Variants in MMS19 observed in about 807,000 individuals in gnomAD.
The protein encoded by MMS19 is MMS19 nucleotide excision repair protein homolog.
MMS19 carries 77 observed loss-of-function variants against 129.8 expected under a neutral mutation model. The ratio of observed to expected loss-of-function variants is 0.59; its 90% confidence interval spans 0.49 to 0.72. MMS19 has a LOEUF of 0.72. Ranked by LOEUF, MMS19 falls within the 30% of genes least tolerant of loss-of-function variation. The pLI is 0.00. For synonymous variants in MMS19, 491 were observed against 502.8 expected, an observed-to-expected ratio of 0.98 and a Z score of 0.31; for missense variants, 1,168 against 1,266.3, an observed-to-expected ratio of 0.92 and a Z score of 1.18.
intron 2 of MMS19, 39 bp from the exon 3 acceptor site, chr10:97,481,081 A>G (rs29001277): frequency 8.2e-7 from 1 of 1,213,022 alleles, no homozygotes; most frequent in South Asian, 1.3e-5. Context: ...GCAATTACCC[A>G]GTTCAAATGT....
chr10:97,475,859 T>C (rs1451998422), intron 8 of MMS19, among the ~76,000 whole-genome samples: 1 of 152,234 alleles, frequency 6.6e-6, no homozygotes, highest in African/African-American at 2.4e-5. Flanking sequence ...GGTATAGGGT[T>C]AGAATAAGAA....
In MMS19 at chr10:97,486,862, C is replaced by CATATATATATATATATATATATAT. The variant is rs148575472; in HGVS notation, c.113-2735_113-2712dup. 4.8e-3 allele frequency among the ~76,000 whole-genome samples: 408 copies of CATATATATATATATATATATATAT among 84,794 alleles called. 16 individuals carry two copies. Among genetic ancestry groups the CATATATATATATATATATATATAT allele is most frequent in the Non-Finnish European group, 7.2e-3 (274 of 38,296 alleles). The allele number at this position is 84,794 out of a possible 152,430, so 55.6% of individuals were successfully genotyped here. ...TAAGCTTATCCTGAAATTAAAGTGC[C>CATATATATATATATATATATATAT]ATATATATATATATATATATATATA... On this transcript the variant is annotated intron_variant, in intron 1 of 30. Coordinates refer to ENST00000438925, the MANE Select transcript of MMS19 (RefSeq NM_022362.5).
intron 18 of MMS19, 134 bp downstream of exon 18, chr10:97,465,671 G>A: frequency 2.3e-6 from 2 of 851,638 alleles, no homozygotes; most frequent in Non-Finnish European, 3.6e-6. Context: ...TTGGACGCAG[G>A]CATCAGTATT....
chr10:97,459,336 C>T (rs1310942784), intron 28 of MMS19, 26 bp downstream of exon 28: 1 of 1,610,294 alleles, frequency 6.2e-7, no homozygotes, highest in Non-Finnish European at 8.5e-7. Context: ...ATGCTGGTGC[C>T]TAAGAGTTGC....
chr10:97,462,491 A>G (rs1300360694), intron 20 of MMS19, 92 bp downstream of exon 20: 4 of 889,078 alleles, frequency 4.5e-6, no homozygotes, highest in Non-Finnish European at 7.4e-6. Context: ...CATATAGGTA[A>G]AAGGACAGCT....
intron 1 of MMS19, among the ~76,000 whole-genome samples, chr10:97,488,551 T>C (rs1308423094): frequency 6.6e-6 from 1 of 152,228 alleles, no homozygotes; most frequent in Non-Finnish European, 1.5e-5. Flanking sequence ...TAAGAGTATT[T>C]GCATACAAAC....
rs757720091 is a variant in MMS19, at chr10:97,477,361, C to G, written c.479G>C (p.Arg160Pro). 1 of 1,613,902 alleles carries G rather than the reference C, an allele frequency of 6.2e-7. No individual in the cohort carries two copies. Among genetic ancestry groups the G allele is most frequent in the Admixed American group, 1.7e-5 (1 of 60,012 alleles). Reference sequence around the variant, plus strand: ...CTGTCTCTTACCTTCTTCCCGGGTTCGCATAAAATTGGTGATGATATTGTA... The same window carrying G: ...CTGTCTCTTACCTTCTTCCCGGGTTGGCATAAAATTGGTGATGATATTGTA... Reference protein sequence around the residue: ...TVYNIITNFMRTREEELKSLG... With the variant: ...TVYNIITNFMPTREEELKSLG... Residue 160 changes from arginine to proline, a missense_variant, in exon 6 of 31, where the codon CGA becomes CCA. By Grantham distance (103) the Arg-to-Pro change is moderately radical (BLOSUM62 -2). This residue lies in a region of MMS19 where 329 missense variants were observed against 328.6 expected (regional missense o/e 1.00). Coordinates refer to ENST00000438925, the MANE Select transcript of MMS19 (RefSeq NM_022362.5).
At chr10:97,477,252 C>T (rs1005944381) in intron 6 of MMS19, 95 bp downstream of exon 6, 1 of 1,599,470 alleles carries the variant, frequency 6.3e-7, no homozygotes, top group Non-Finnish European at 8.5e-7. Flanking sequence ...GATACCAGCT[C>T]TTCTATATAA....
At chr10:97,492,453 C>T (rs894528165) in intron 1 of MMS19, among the ~76,000 whole-genome samples, 6 of 149,578 alleles carry the variant, frequency 4.0e-5, no homozygotes, top group Non-Finnish European at 8.9e-5. Flanking sequence ...CCCACCTGGG[C>T]GACTGAGTGA....
At chr10:97,467,978 A>T (rs973589624) in intron 13 of MMS19, among the ~76,000 whole-genome samples, 2 of 151,440 alleles carry the variant, frequency 1.3e-5, no homozygotes, top group Non-Finnish European at 2.9e-5. Flanking sequence ...TGGCTAATTT[A>T]AAAAAAATTT....
chr10:97,467,255 A>G (rs1235659524), intron 14 of MMS19, among the ~76,000 whole-genome samples: 1 of 152,218 alleles, frequency 6.6e-6, no homozygotes, highest in Non-Finnish European at 1.5e-5. Context: ...CTGGGATTAT[A>G]GGTGTGAGCC....
intron 18 of MMS19, 42 bp from the exon 19 acceptor site, chr10:97,464,055 C>T (rs767965842): frequency 6.2e-5 from 97 of 1,575,826 alleles, no homozygotes; most frequent in Non-Finnish European, 7.9e-5. Context: ...TGCTTAAAAG[C>T]ACTTTCAGGT....
At chr10:97,460,314 G>A in intron 25 of MMS19, 82 bp from the exon 26 acceptor site, 2 of 1,319,952 alleles carry the variant, frequency 1.5e-6, no homozygotes, top group Non-Finnish European at 1.0e-6. Context: ...GGGTGTGGTG[G>A]CTCATGCCTG....
At chr10:97,480,819 C>T (rs1457095289) in intron 3 of MMS19, 123 bp downstream of exon 3, 1 of 712,986 alleles carries the variant, frequency 1.4e-6, no homozygotes, top group East Asian at 2.7e-5. Context: ...GAATGAAGAC[C>T]TTGAATTAGT....
intron 20 of MMS19, 37 bp from the exon 21 acceptor site, chr10:97,462,156 G>C: frequency 6.8e-7 from 1 of 1,471,492 alleles, no homozygotes. Flanking sequence ...AAGGAGCTAG[G>C]ATTCTAAAGC....
At position 97,461,872 on chromosome 10, in the gene MMS19, G is replaced by C; in HGVS notation, c.2140C>G (p.Leu714Val). 6.2e-7 allele frequency: 1 copy of C among 1,607,502 alleles called. No homozygotes were observed. The highest frequency in any genetic ancestry group is 8.5e-7 in the Non-Finnish European group (1 of 1,177,158). Reference protein sequence around the residue: ...FQDGSSGQRRLIALLMAFVCS... With the variant: ...FQDGSSGQRRVIALLMAFVCS... ...ACAAAGGCCATAAGCAGTGCAATCA[G>C]CCGCCTCTGCCCTGAGGAGCCATCC... Residue 714 changes from leucine to valine, a missense_variant, in exon 22 of 31, where the codon CTG becomes GTG. Leu to Val is a conservative substitution (Grantham distance 32). Around this residue, in one of 3 missense-constraint regions of MMS19, gnomAD observed 831 missense variants for 910.8 expected, o/e 0.91. Coordinates refer to ENST00000438925, the MANE Select transcript of MMS19 (RefSeq NM_022362.5).
intron 3 of MMS19, chr10:97,480,412 C>A: frequency 2.3e-6 from 1 of 428,372 alleles, no homozygotes. Flanking sequence ...TATAGTTTGC[C>A]TACCCCTGCT....
chr10:97,484,177 T>G, intron 1 of MMS19, 26 bp from the exon 2 acceptor site: 5 of 1,418,412 alleles, frequency 3.5e-6, no homozygotes, highest in Non-Finnish European at 4.7e-6. Flanking sequence ...TAAATAAATA[T>G]GAAAAATAAA....
At chr10:97,473,311 C>A (rs531207576) in intron 8 of MMS19, among the ~76,000 whole-genome samples, 1 of 152,248 alleles carries the variant, frequency 6.6e-6, no homozygotes, top group East Asian at 1.9e-4. Flanking sequence ...GCTTAGATTA[C>A]AGGTGTGAGC....
Sources: gnomAD v4.1 joint callset for allele counts (sites outside exome capture counted in the v4.1 genomes callset) on GRCh38, gnomAD v4.1.1 for gene constraint, gnomAD v4.1.1 regional missense constraint, MANE v1.5 for transcripts, NCBI Gene and HGNC (gene_info 2026-07-23, HGNC 2026-07-21) for gene names.